VOPP1: variants seen among roughly 807,000 people sequenced by gnomAD.
VOPP1 encodes VOPP1 WW domain binding protein, also known as WW domain binding protein VOPP1.
A neutral mutation model predicts 23.5 loss-of-function variants in VOPP1; 8 were observed. The ratio of observed to expected loss-of-function variants is 0.34; its 90% CI spans 0.20 to 0.61. The LOEUF is 0.61. VOPP1 is among the 20% of genes least tolerant of loss of function. VOPP1 has a pLI of 0.78. For synonymous variants in VOPP1, 83 were observed against 97.3 expected (o/e 0.85, Z 0.86); for missense variants, 174 against 238.1 (o/e 0.73, Z 1.77).
intron 1 of VOPP1, among the ~76,000 whole-genome samples, chr7:55,539,309 C>T (rs1797001722): frequency 6.6e-6 from 1 of 152,176 alleles, no homozygotes; most frequent in Non-Finnish European, 1.5e-5. Context: ...CACACCATTG[C>T]ACTCCAGCCT....
chr7:55,555,405 G>A (rs898796927), intron 1 of VOPP1, among the ~76,000 whole-genome samples: 2 of 152,192 alleles, frequency 1.3e-5, no homozygotes, highest in South Asian at 4.1e-4. Flanking sequence ...TCTTTTCACC[G>A]CACAGATGAC....
intron 2 of VOPP1, among the ~76,000 whole-genome samples, chr7:55,502,262 T>C (rs567167009): frequency 3.3e-5 from 5 of 152,320 alleles, no homozygotes; most frequent in Admixed American, 1.3e-4. Context: ...CCTAGAATAT[T>C]TGGAGTATAA....
intron 4 of VOPP1, among the ~76,000 whole-genome samples, chr7:55,491,113 G>T (rs1342314141): frequency 6.6e-6 from 1 of 152,180 alleles, no homozygotes; most frequent in Non-Finnish European, 1.5e-5. Context: ...ACAACCTGAT[G>T]AGTTTAAAGA....
chr7:55,477,330 C>T (rs1792334974), intron 4 of VOPP1, among the ~76,000 whole-genome samples: 1 of 152,230 alleles, frequency 6.6e-6, no homozygotes, highest in African/African-American at 2.4e-5. Flanking sequence ...GCAGACGTTC[C>T]ATAAATACAC....
At chr7:55,454,949 A>T (rs1583805470) in intron 4 of VOPP1, among the ~76,000 whole-genome samples, 1 of 152,146 alleles carries the variant, frequency 6.6e-6, no homozygotes, top group Non-Finnish European at 1.5e-5. Context: ...GTTCTGGCCA[A>T]GGCAATCAGG....
chr7:55,461,819 C>G (rs1210713450), intron 4 of VOPP1, among the ~76,000 whole-genome samples: 2 of 152,110 alleles, frequency 1.3e-5, no homozygotes, highest in African/African-American at 4.8e-5. Context: ...TTGTTTTCTA[C>G]TTGTTTTGTG....
At chr7:55,521,952 G>A (rs900686215) in intron 1 of VOPP1, 28 of 954,248 alleles carry the variant, frequency 2.9e-5, no homozygotes, top group African/African-American at 1.9e-4. Flanking sequence ...CATTCACAAC[G>A]TCCTACTTCC....
chr7:55,493,526 TGAGCAGG>T (rs1793729621), intron 3 of VOPP1, among the ~76,000 whole-genome samples: 1 of 152,266 alleles, frequency 6.6e-6, no homozygotes, highest in Non-Finnish European at 1.5e-5. Context: ...CTTGGAAGGC[TGAGCAGG>T]GAGAAAAGCC....
intron 1 of VOPP1, among the ~76,000 whole-genome samples, chr7:55,542,940 G>A (rs1359879222): frequency 4.6e-5 from 7 of 151,566 alleles, no homozygotes; most frequent in Non-Finnish European, 7.4e-5. Context: ...TTTTGGAGAC[G>A]AGTCTCGCTC....
At chr7:55,507,976 C>T (rs1313917208) in intron 2 of VOPP1, among the ~76,000 whole-genome samples, 1 of 152,142 alleles carries the variant, frequency 6.6e-6, no homozygotes, top group Non-Finnish European at 1.5e-5. Context: ...CCAGAAAATA[C>T]CTTCTCTGAC....
intron 2 of VOPP1, among the ~76,000 whole-genome samples, chr7:55,502,151 T>C (rs1794413158): frequency 1.3e-5 from 2 of 152,254 alleles, no homozygotes; most frequent in African/African-American, 4.8e-5. Flanking sequence ...TGGCATTCTA[T>C]TTCCCATGCT....
chr7:55,438,047 GC>G (rs1790874982), intron 4 of VOPP1, among the ~76,000 whole-genome samples: 1 of 151,822 alleles, frequency 6.6e-6, no homozygotes, highest in East Asian at 1.9e-4. Flanking sequence ...GATTACAGGC[GC>G]CCCCAACCTC....
intron 4 of VOPP1, among the ~76,000 whole-genome samples, chr7:55,477,660 C>T (rs545266257): frequency 3.9e-5 from 6 of 152,306 alleles, no homozygotes; most frequent in Non-Finnish European, 5.9e-5. Flanking sequence ...TCGGTATCTT[C>T]GTGTTCATAG....
In VOPP1 at chr7:55,490,182, T is replaced by C. The variant is rs530523274; in HGVS notation, c.328+2100A>G. ...AAAAATAGCACGGCCGATGTGCTTC[T>C]GTTTTTTGTTTTTTAAGACCCTTCT... On this transcript the variant is annotated intron_variant, in intron 4 of 4. Coordinates refer to ENST00000285279, the MANE Select transcript of VOPP1 (RefSeq NM_030796.5). Among the ~76,000 whole-genome samples, 13 of 152,174 alleles carry C rather than the reference T, an allele frequency of 8.5e-5. No homozygotes were observed. The East Asian group carries it at 2.3e-3, about 27-fold the overall frequency.
At chr7:55,527,990 A>C (rs762487790) in intron 1 of VOPP1, among the ~76,000 whole-genome samples, 1 of 152,200 alleles carries the variant, frequency 6.6e-6, no homozygotes, top group African/African-American at 2.4e-5. Context: ...ATGCCTCAAG[A>C]AGACAATTTT....
chr7:55,544,376 T>A (rs1257430524), intron 1 of VOPP1, among the ~76,000 whole-genome samples: 2 of 152,172 alleles, frequency 1.3e-5, no homozygotes, highest in Non-Finnish European at 2.9e-5. Flanking sequence ...TTTGGGGCAG[T>A]AGGGCTGGTG....
chr7:55,547,127 A>G (rs1432946861), intron 1 of VOPP1, among the ~76,000 whole-genome samples: 1 of 152,212 alleles, frequency 6.6e-6, no homozygotes, highest in Non-Finnish European at 1.5e-5. Context: ...AAGCCGACAG[A>G]GCTGTAGGAG....
chr7:55,497,553 A>AC (rs1794041370), intron 3 of VOPP1, 60 bp downstream of exon 3: 38 of 936,938 alleles, frequency 4.1e-5, no homozygotes, highest in Non-Finnish European at 5.2e-5. Context: ...GACAACACTG[A>AC]TGGGGGGGGG....
chr7:55,460,740 T>C (rs1254835265), intron 4 of VOPP1, among the ~76,000 whole-genome samples: 1 of 152,242 alleles, frequency 6.6e-6, no homozygotes, highest in Non-Finnish European at 1.5e-5. Context: ...TTTTATCTTT[T>C]TATAGTTTTT....
Sources: gnomAD v4.1 joint callset for allele counts (sites outside exome capture counted in the v4.1 genomes callset) on GRCh38, gnomAD v4.1.1 for gene constraint, MANE v1.5 for transcripts, NCBI Gene and HGNC (gene_info 2026-07-23, HGNC 2026-07-21) for gene names.